PLCE1: variants seen among roughly 807,000 people sequenced by gnomAD.
The protein encoded by PLCE1 is phospholipase C epsilon 1, also known as 1-phosphatidylinositol 4,5-bisphosphate phosphodiesterase epsilon-1.
PLCE1 carries 119 observed loss-of-function variants against 242.8 expected under a neutral mutation model. The ratio of observed to expected loss-of-function variants is 0.49; its 90% CI spans 0.42 to 0.57. The LOEUF is 0.57. Ranked by LOEUF, PLCE1 falls within the 20% of genes least tolerant of loss-of-function variation. The pLI, the probability that PLCE1 is intolerant of heterozygous loss-of-function variation, is 0.00. For missense variants in PLCE1, 2,441 were observed against 2,788.8 expected, an observed-to-expected ratio of 0.88 and a Z score of 2.81; for synonymous variants, 945 against 1,017.4, an observed-to-expected ratio of 0.93 and a Z score of 1.35.
intron 1 of PLCE1, among the ~76,000 whole-genome samples, chr10:93,996,332 A>G (rs774822284): frequency 2.0e-5 from 3 of 152,238 alleles, no homozygotes; most frequent in African/African-American, 4.8e-5. Context: ...TGTTTGCTGA[A>G]GTTGCTTTCC....
chr10:94,314,236 C>T (rs374622324), intron 28 of PLCE1, among the ~76,000 whole-genome samples: 3 of 152,168 alleles, frequency 2.0e-5, no homozygotes, highest in East Asian at 1.9e-4. Flanking sequence ...ACACCAGAAG[C>T]GCTATCCTTG....
chr10:94,158,702 GT>G (rs908071977), intron 3 of PLCE1, among the ~76,000 whole-genome samples: 15 of 151,794 alleles, frequency 9.9e-5, no homozygotes, highest in African/African-American at 3.4e-4. Flanking sequence ...GCACTATAGA[GT>G]TTTTTTAAGT....
intron 2 of PLCE1, among the ~76,000 whole-genome samples, chr10:94,047,273 A>G (rs1305257875): frequency 6.6e-6 from 1 of 152,160 alleles, no homozygotes; most frequent in Non-Finnish European, 1.5e-5. Flanking sequence ...TAATTTGGGT[A>G]GTCTTAGAAG....
intron 29 of PLCE1, among the ~76,000 whole-genome samples, chr10:94,319,264 A>G (rs943559635): frequency 6.6e-6 from 1 of 152,248 alleles, no homozygotes; most frequent in African/African-American, 2.4e-5. Flanking sequence ...AAAGATAACT[A>G]AATTTAGTGT....
intron 4 of PLCE1, among the ~76,000 whole-genome samples, chr10:94,220,268 C>G: frequency 6.6e-6 from 1 of 150,474 alleles, no homozygotes; most frequent in Non-Finnish European, 1.5e-5. Flanking sequence ...TGGCATGCAC[C>G]TGTAGTACCA....
intron 14 of PLCE1, 82 bp from the exon 15 acceptor site, chr10:94,265,565 C>A: frequency 8.4e-7 from 1 of 1,183,796 alleles, no homozygotes; most frequent in Non-Finnish European, 1.3e-6. Context: ...AACAGAACAG[C>A]TTTAAAAAAT....
intron 2 of PLCE1, among the ~76,000 whole-genome samples, chr10:94,053,760 G>A (rs544834938): frequency 6.6e-6 from 1 of 152,340 alleles, no homozygotes; most frequent in African/African-American, 2.4e-5. Flanking sequence ...CCAGGAATTG[G>A]AGCTGCCAAG....
At chr10:94,158,854 C>CT (rs35760715) in intron 3 of PLCE1, among the ~76,000 whole-genome samples, 2,964 of 111,474 alleles carry the variant, frequency 0.027, 91 homozygotes, top group African/African-American at 0.03. Flanking sequence ...TCTTCTTTTT[C>CT]TTTTTTTTTT....
At chr10:94,278,432 T>C (rs2052045334) in intron 19 of PLCE1, among the ~76,000 whole-genome samples, 1 of 152,204 alleles carries the variant, frequency 6.6e-6, no homozygotes, top group Non-Finnish European at 1.5e-5. Flanking sequence ...TACTTCACAG[T>C]TGTCGCTAAT....
chr10:94,051,013 G>A (rs2043749396), intron 2 of PLCE1, among the ~76,000 whole-genome samples: 1 of 152,076 alleles, frequency 6.6e-6, no homozygotes, highest in Non-Finnish European at 1.5e-5. Flanking sequence ...TAAGAGCTGA[G>A]GCAGAGTATT....
At chr10:94,058,683 A>G (rs550985806) in intron 2 of PLCE1, among the ~76,000 whole-genome samples, 29 of 152,254 alleles carry the variant, frequency 1.9e-4, no homozygotes, top group Admixed American at 2.6e-4. Context: ...GGTGTCCTAG[A>G]GCAAATCACC....
At chr10:94,283,962 T>C in intron 21 of PLCE1, 51 bp downstream of exon 21, 3 of 1,596,032 alleles carry the variant, frequency 1.9e-6, no homozygotes, top group Non-Finnish European at 2.6e-6. Flanking sequence ...GGTACTCTTG[T>C]CAGTTTCAGA....
In PLCE1 at chr10:94,325,020, CAAG is replaced by C; in HGVS notation, c.6850_6852del (p.Lys2284del). 6.2e-7 allele frequency: 1 copy of C among 1,614,160 alleles called. No individual in the cohort carries two copies. ...TCTTGACCTCAGAAAGTATCCAAAC[CAAG>C]GAGGAGAAACCTGTGGGTGGCTTGT... is the stretch of plus-strand genomic sequence containing the variant. On this transcript the variant is annotated inframe_deletion, in exon 32 of 33. Coordinates refer to ENST00000371380, the MANE Select transcript of PLCE1 (RefSeq NM_016341.4).
chr10:94,261,097 T>C (rs1391484521), intron 13 of PLCE1, among the ~76,000 whole-genome samples: 1 of 152,188 alleles, frequency 6.6e-6, no homozygotes, highest in Non-Finnish European at 1.5e-5. Flanking sequence ...TACAGTATCA[T>C]ACAGGACAGT....
At chr10:94,236,522 A>T (rs1387616692) in intron 7 of PLCE1, among the ~76,000 whole-genome samples, 2 of 152,192 alleles carry the variant, frequency 1.3e-5, no homozygotes, top group Non-Finnish European at 2.9e-5. Flanking sequence ...AGATATTTTT[A>T]AATCAAATCT....
rs1386031367 is a variant in PLCE1, at chr10:94,322,024, C to A, written c.6466C>A (p.Pro2156Thr). The A allele has an allele frequency of 1.9e-6, 3 of 1,614,030 alleles. No individual in the cohort carries two copies. The highest frequency in any genetic ancestry group is 2.5e-6 in the Non-Finnish European group (3 of 1,180,014). The change falls in exon 30 of 33, where the codon CCC becomes ACC. Residue 2156 changes from proline to threonine, a missense_variant. Physicochemically the swap from Pro to Thr is conservative, Grantham distance 38. This residue lies in a region of PLCE1 where 310 missense variants were observed against 317.2 expected (regional missense o/e 0.98). Transcript: ENST00000371380. ...PEQPRTVIKA[P>T]RVSTAQDVIQ... The stretch of plus-strand genomic sequence containing the variant: ...GCAACCTCGAACAGTCATCAAAGCA[C>A]CCCGCGTCAGCACTGCACAGGATGT...
chr10:94,110,508 G>A (rs1050524355), intron 2 of PLCE1, among the ~76,000 whole-genome samples: 7 of 152,214 alleles, frequency 4.6e-5, no homozygotes, highest in South Asian at 4.1e-4. Flanking sequence ...TACTTACACT[G>A]TTGTGAAATC....
chr10:94,149,921 A>G (rs2047222317), intron 3 of PLCE1, among the ~76,000 whole-genome samples: 1 of 152,192 alleles, frequency 6.6e-6, no homozygotes, highest in African/African-American at 2.4e-5. Flanking sequence ...TCAAAGTAGT[A>G]TCTTCTTGTA....
At chr10:94,145,638 G>A (rs1228626048) in intron 3 of PLCE1, among the ~76,000 whole-genome samples, 1 of 152,078 alleles carries the variant, frequency 6.6e-6, no homozygotes, top group Non-Finnish European at 1.5e-5. Flanking sequence ...ACCCCCACAA[G>A]ATGAGACACA....
Sources: allele counts gnomAD v4.1 joint callset (sites outside exome capture counted in the v4.1 genomes callset), GRCh38; gene constraint gnomAD v4.1.1; regional missense constraint gnomAD v4.1.1; transcripts MANE v1.5; gene names NCBI Gene and HGNC (gene_info 2026-07-23, HGNC 2026-07-21).